WWOX: variants seen among roughly 807,000 people sequenced by gnomAD.
The protein encoded by WWOX is WW domain containing oxidoreductase, also known as WW domain-containing oxidoreductase.
WWOX carries 69 observed loss-of-function variants against 46.2 expected under a neutral mutation model. The ratio of observed to expected loss-of-function variants is 1.49; its 90% CI spans 1.23 to 1.82. The LOEUF (loss-of-function observed/expected upper bound fraction) is 1.82, where lower values mean the gene tolerates loss of function less well. Ranked by LOEUF, WWOX falls within the 40% of genes most tolerant of loss-of-function variation. The pLI is 0.00. For missense variants in WWOX, 919 were observed against 542.6 expected, an observed-to-expected ratio of 1.69 and a Z score of -6.89; for synonymous variants, 359 against 202.6, an observed-to-expected ratio of 1.77 and a Z score of -6.56.
At chr16:78,576,707 G>A (rs1220207539) in intron 8 of WWOX, among the ~76,000 whole-genome samples, 1 of 152,216 alleles carries the variant, frequency 6.6e-6, no homozygotes, top group East Asian at 1.9e-4. Flanking sequence ...TGGCTCATAG[G>A]TGTAGTCCCA....
Position 78,429,265 on chromosome 16 carries a change from C to A in WWOX, c.792-3223C>A, listed in dbSNP as rs908792954. On this transcript the variant is annotated intron_variant, in intron 7 of 8. Coordinates refer to ENST00000566780, the MANE Select transcript of WWOX (RefSeq NM_016373.4). Reference sequence around the variant, plus strand: ...AGGATGGCACAGTGAGCCTTTTCACCAATCTTGGAAGGCCAGTAATGTCAG... The same window carrying A: ...AGGATGGCACAGTGAGCCTTTTCACAAATCTTGGAAGGCCAGTAATGTCAG... 2.0e-5 allele frequency among the ~76,000 whole-genome samples: 3 copies of A among 152,166 alleles called. No homozygotes were observed. In the East Asian group the frequency reaches 5.8e-4, roughly 29 times the overall value.
chr16:78,440,510 G>A (rs9929319), intron 8 of WWOX, among the ~76,000 whole-genome samples: 6 of 151,944 alleles, frequency 3.9e-5, no homozygotes, highest in Non-Finnish European at 4.4e-5. Flanking sequence ...TGCCTGACTC[G>A]TAGTAGCACT....
At chr16:78,926,904 C>T (rs1024990177) in intron 8 of WWOX, among the ~76,000 whole-genome samples, 1 of 152,110 alleles carries the variant, frequency 6.6e-6, no homozygotes, top group South Asian at 2.1e-4. Context: ...TCAAGTGATC[C>T]TCCCACCTCA....
At chr16:78,424,400 G>A (rs146955593) in intron 6 of WWOX, among the ~76,000 whole-genome samples, 2,202 of 152,226 alleles carry the variant, frequency 0.014, 36 homozygotes, top group African/African-American at 0.051. Flanking sequence ...GATTACAGGC[G>A]TGAGCCCCCG....
chr16:78,938,941 C>G (rs1184162661), intron 8 of WWOX, among the ~76,000 whole-genome samples: 3 of 152,108 alleles, frequency 2.0e-5, no homozygotes, highest in Non-Finnish European at 4.4e-5. Flanking sequence ...CTTAGCACAA[C>G]TGAAAAATAC....
chr16:78,572,080 A>ATT (rs1397873621), intron 8 of WWOX, among the ~76,000 whole-genome samples: 4 of 152,308 alleles, frequency 2.6e-5, no homozygotes, highest in Non-Finnish European at 5.9e-5. Context: ...GGTTCCTATA[A>ATT]AGATGCCTTA....
At chr16:79,209,826 A>T (rs141114925) in intron 8 of WWOX, among the ~76,000 whole-genome samples, 2 of 152,338 alleles carry the variant, frequency 1.3e-5, no homozygotes, top group East Asian at 3.9e-4. Flanking sequence ...TGTTTAGATA[A>T]ATGTGCCAGG....
intron 8 of WWOX, among the ~76,000 whole-genome samples, chr16:79,198,289 G>C (rs2051279974): frequency 6.6e-6 from 1 of 152,212 alleles, no homozygotes; most frequent in African/African-American, 2.4e-5. Context: ...TGTAAGCCGA[G>C]ATTGCGCCAC....
At chr16:78,263,723 GA>G (rs932156781) in intron 5 of WWOX, among the ~76,000 whole-genome samples, 2 of 152,200 alleles carry the variant, frequency 1.3e-5, no homozygotes, top group African/African-American at 4.8e-5. Context: ...CTGATGAGAA[GA>G]ATGCCTGAGC....
chr16:79,030,984 C>T (rs968844698), intron 8 of WWOX, among the ~76,000 whole-genome samples: 2 of 151,178 alleles, frequency 1.3e-5, no homozygotes, highest in African/African-American at 2.4e-5. Flanking sequence ...CCCACCCACT[C>T]GAGAGGCTGT....
chr16:78,802,622 T>A (rs966270270), intron 8 of WWOX, among the ~76,000 whole-genome samples: 3 of 151,918 alleles, frequency 2.0e-5, no homozygotes, highest in Non-Finnish European at 4.4e-5. Flanking sequence ...AGTAATGCAT[T>A]AATGGTTGAA....
intron 8 of WWOX, chr16:79,204,919 C>T (rs920601006): frequency 1.2e-4 from 18 of 152,244 alleles, no homozygotes; most frequent in African/African-American, 4.3e-4. Flanking sequence ...CCAATTCATT[C>T]TCCTCTCTTC....
chr16:79,093,891 G>C (rs1031439905), intron 8 of WWOX, among the ~76,000 whole-genome samples: 2 of 152,128 alleles, frequency 1.3e-5, no homozygotes, highest in Non-Finnish European at 2.9e-5. Context: ...GCAGCTTCCT[G>C]GCCACTTTCT....
intron 8 of WWOX, among the ~76,000 whole-genome samples, chr16:78,583,597 A>G (rs1301159410): frequency 6.6e-6 from 1 of 152,188 alleles, no homozygotes; most frequent in Non-Finnish European, 1.5e-5. Context: ...TCCCCCATTC[A>G]TCTTCCCAAG....
At chr16:78,767,476 G>T (rs1048064702) in intron 8 of WWOX, among the ~76,000 whole-genome samples, 1 of 94,078 alleles carries the variant, frequency 1.1e-5, no homozygotes, top group Non-Finnish European at 2.3e-5. Flanking sequence ...GTGAGTGTGT[G>T]TGTGTCTGTG....
chr16:78,580,108 C>G (rs1364642999), intron 8 of WWOX, among the ~76,000 whole-genome samples: 1 of 149,228 alleles, frequency 6.7e-6, no homozygotes, highest in African/African-American at 2.5e-5. Context: ...GAGTCTTGCT[C>G]TGTCACCCAG....
chr16:79,177,307 T>A (rs547156337), intron 8 of WWOX, among the ~76,000 whole-genome samples: 1 of 152,178 alleles, frequency 6.6e-6, no homozygotes, highest in Non-Finnish European at 1.5e-5. Flanking sequence ...GCCTCATTGC[T>A]CGCTTCGTTT....
intron 8 of WWOX, among the ~76,000 whole-genome samples, chr16:79,106,302 C>T (rs761226810): frequency 1.3e-5 from 2 of 152,162 alleles, no homozygotes; most frequent in Non-Finnish European, 2.9e-5. Flanking sequence ...TGACCTGAGA[C>T]CTCAAAACTT....
chr16:78,919,519 G>GTTTTTTTTTTTTTTTTTTT lies in WWOX; in HGVS notation c.1057-292085_1057-292084insTTTTTTTTTTTTTTTTTTT, dbSNP rs1362661780. ...TCTCTTTTTTTTCTTTTATCTTTTT[G>GTTTTTTTTTTTTTTTTTTT]TTTTGTTTTTTTTTTTTTTGAGGGA... On this transcript the variant is annotated intron_variant, in intron 8 of 8. Transcript: ENST00000566780. Among the ~76,000 whole-genome samples, 2 of 67,256 alleles carry GTTTTTTTTTTTTTTTTTTT rather than the reference G, an allele frequency of 3.0e-5. 1 individual carries two copies. 44.1% of individuals were successfully genotyped at this position (67,256 alleles called of 152,430 possible). A position where few individuals can be genotyped will look rare whatever the true frequency, so the allele number is the denominator to read the frequency against.
Sources: gnomAD v4.1 joint callset for allele counts (sites outside exome capture counted in the v4.1 genomes callset) on GRCh38, gnomAD v4.1.1 for gene constraint, MANE v1.5 for transcripts, NCBI Gene and HGNC (gene_info 2026-07-23, HGNC 2026-07-21) for gene names.